Variants in DIP2B observed in about 807,000 individuals in gnomAD.
The protein encoded by DIP2B is disco-interacting protein 2 homolog B.
Under a neutral mutation model 198.0 loss-of-function variants are expected in DIP2B, and 76 were observed. The ratio of observed to expected loss-of-function variants is 0.38; its 90% CI spans 0.32 to 0.46. DIP2B has a LOEUF of 0.46. Ranked by LOEUF, DIP2B falls within the 20% of genes least tolerant of loss-of-function variation. The probability of loss-of-function intolerance (pLI) is 0.99; values close to 1 mark genes in which losing one functional copy is unlikely to be tolerated. For synonymous variants in DIP2B, 701 were observed against 739.1 expected, an observed-to-expected ratio of 0.95 and a Z score of 0.84; for missense variants, 1,559 against 1,978.4, an observed-to-expected ratio of 0.79 and a Z score of 4.02.
intron 1 of DIP2B, among the ~76,000 whole-genome samples, chr12:50,587,281 G>T (rs865816120): frequency 6.6e-5 from 10 of 152,022 alleles, no homozygotes; most frequent in Non-Finnish European, 1.2e-4. Context: ...ACCTTTCCCT[G>T]GTCCTTTTAG....
intron 3 of DIP2B, among the ~76,000 whole-genome samples, chr12:50,653,773 C>T (rs1473344475): frequency 2.0e-5 from 3 of 151,292 alleles, no homozygotes; most frequent in Non-Finnish European, 2.9e-5. Flanking sequence ...TTTTGTTGAT[C>T]TTTTCAAAAA....
intron 1 of DIP2B, among the ~76,000 whole-genome samples, chr12:50,557,803 C>T (rs1290527467): frequency 6.6e-6 from 1 of 152,162 alleles, no homozygotes; most frequent in Non-Finnish European, 1.5e-5. Context: ...ATTGAACTTG[C>T]CTTTCTGCCA....
At chr12:50,606,283 G>A (rs1958981013) in intron 1 of DIP2B, among the ~76,000 whole-genome samples, 1 of 152,044 alleles carries the variant, frequency 6.6e-6, no homozygotes, top group Non-Finnish European at 1.5e-5. Flanking sequence ...ACCATGGCTG[G>A]CTAGTGTTTT....
intron 23 of DIP2B, among the ~76,000 whole-genome samples, chr12:50,717,327 G>C (rs894889472): frequency 2.7e-5 from 4 of 148,538 alleles, no homozygotes; most frequent in African/African-American, 7.4e-5. Flanking sequence ...GCCCAGGCTG[G>C]AGTGCGGTGG....
chr12:50,545,117 A>T (rs1378081698), intron 1 of DIP2B, among the ~76,000 whole-genome samples: 1 of 151,926 alleles, frequency 6.6e-6, no homozygotes, highest in Non-Finnish European at 1.5e-5. Context: ...AATGTTTTGT[A>T]TATGTTTTGT....
At chr12:50,718,312 G>T (rs1372592183) in intron 23 of DIP2B, among the ~76,000 whole-genome samples, 1 of 152,090 alleles carries the variant, frequency 6.6e-6, no homozygotes, top group African/African-American at 2.4e-5. Context: ...CTCTTTTAGG[G>T]TTCTATTATG....
chr12:50,518,900 C>A (rs1487039832), intron 1 of DIP2B, among the ~76,000 whole-genome samples: 3 of 152,126 alleles, frequency 2.0e-5, no homozygotes, highest in Non-Finnish European at 4.4e-5. Flanking sequence ...GTCACCATGC[C>A]TGGCTAATTT....
chr12:50,574,680 C>T (rs1958642859), intron 1 of DIP2B, among the ~76,000 whole-genome samples: 1 of 152,374 alleles, frequency 6.6e-6, no homozygotes, highest in Non-Finnish European at 1.5e-5. Flanking sequence ...TCGATTCATG[C>T]AAGGAACCCT....
At chr12:50,619,872 T>C (rs1937774273) in intron 1 of DIP2B, among the ~76,000 whole-genome samples, 1 of 152,000 alleles carries the variant, frequency 6.6e-6, no homozygotes, top group South Asian at 2.1e-4. Context: ...GCCTGGGCAA[T>C]AGTGAGACCC....
At chr12:50,715,840 GGAA>G (rs1338543209) in intron 23 of DIP2B, among the ~76,000 whole-genome samples, 2 of 152,194 alleles carry the variant, frequency 1.3e-5, no homozygotes, top group Non-Finnish European at 2.9e-5. Flanking sequence ...CTGTTATTAA[GGAA>G]GAAGAATAGG....
intron 28 of DIP2B, 34 bp downstream of exon 28, chr12:50,724,920 C>T (rs1156395896): frequency 6.3e-7 from 1 of 1,594,886 alleles, no homozygotes; most frequent in South Asian, 1.1e-5. Context: ...GGTGGAGGGA[C>T]TGAGAGCTCA....
At position 50,732,661 on chromosome 12, in the gene DIP2B, C is replaced by T. The variant is rs191531686; in HGVS notation, c.3981+125C>T. On this transcript the variant is annotated intron_variant, in intron 32 of 37. Transcript: ENST00000301180. Reference sequence around the variant, plus strand: ...GCCGCACTTACTTGCTTTGGAACTTCGGGCTTTTAAATCTCGATTTCTTTG... The same window carrying T: ...GCCGCACTTACTTGCTTTGGAACTTTGGGCTTTTAAATCTCGATTTCTTTG... 3.9e-5 allele frequency: 47 copies of T among 1,216,796 alleles called. No individual in the cohort carries two copies. In the African/African-American group the frequency reaches 4.8e-4, roughly 13 times the overall value. 75.4% of individuals were successfully genotyped at this position (1,216,796 alleles called of 1,614,324 possible).
intron 1 of DIP2B, among the ~76,000 whole-genome samples, chr12:50,528,068 C>CA (rs1472713458): frequency 1.1e-4 from 16 of 152,014 alleles, no homozygotes; most frequent in African/African-American, 3.6e-4. Context: ...GCTGAGACTA[C>CA]AAGCATGCAC....
intron 23 of DIP2B, among the ~76,000 whole-genome samples, chr12:50,718,144 C>T (rs1412533308): frequency 3.9e-5 from 6 of 151,936 alleles, no homozygotes; most frequent in South Asian, 4.2e-4. Flanking sequence ...GTGATCCTCC[C>T]GCCTCGCCCT....
At position 50,636,924 on chromosome 12, in the gene DIP2B, C is replaced by T. The variant is rs143855691; in HGVS notation, c.173-3800C>T. On this transcript the variant is annotated intron_variant, in intron 2 of 37. Coordinates refer to ENST00000301180, the MANE Select transcript of DIP2B (RefSeq NM_173602.3). The stretch of plus-strand genomic sequence containing the variant: ...CTACCCCTGGAAAACAGGCAGGTGG[C>T]CCCTTTTCCAGACTCCAGACACTAG... 2.9e-3 allele frequency among the ~76,000 whole-genome samples: 448 copies of T among 152,264 alleles called. 6 individuals carry two copies. Among genetic ancestry groups the T allele is most frequent in the African/African-American group, 0.01 (425 of 41,532 alleles).
intron 2 of DIP2B, 88 bp downstream of exon 2, chr12:50,626,135 T>C: frequency 4.4e-6 from 6 of 1,365,110 alleles, no homozygotes; most frequent in Non-Finnish European, 6.2e-6. Flanking sequence ...TGTTTGTTCC[T>C]GTTTTTCCCT....
chr12:50,678,619 C>A, intron 7 of DIP2B, 60 bp from the exon 8 acceptor site: 1 of 1,532,842 alleles, frequency 6.5e-7, no homozygotes, highest in Non-Finnish European at 8.9e-7. Flanking sequence ...AGATTAGAGA[C>A]CTAAGTTGTG....
At chr12:50,619,864 C>T (rs947802881) in intron 1 of DIP2B, among the ~76,000 whole-genome samples, 10 of 152,020 alleles carry the variant, frequency 6.6e-5, no homozygotes, top group Admixed American at 5.9e-4. Context: ...TGAGACCAGC[C>T]TGGGCAATAG....
chr12:50,728,639 C>G lies in DIP2B; in HGVS notation c.3602C>G (p.Pro1201Arg). 1 of 1,614,156 alleles carries G rather than the reference C, an allele frequency of 6.2e-7. No individual in the cohort carries two copies. Among genetic ancestry groups the G allele is most frequent in the Non-Finnish European group, 8.5e-7 (1 of 1,180,016 alleles). The stretch of plus-strand genomic sequence containing the variant: ...CGGCAGATCGCCATCTGCCTTGACC[C>G]TTACTGTGGACTTGGCTTCGCGCTC... The part of the protein sequence containing the change: ...SSRQIAICLD[P>R]YCGLGFALWC... Residue 1201 changes from proline to arginine, a missense_variant, in exon 30 of 38, where the codon CCT becomes CGT. Coordinates refer to ENST00000301180, the MANE Select transcript of DIP2B (RefSeq NM_173602.3).
Sources: allele counts gnomAD v4.1 joint callset (sites outside exome capture counted in the v4.1 genomes callset), GRCh38; gene constraint gnomAD v4.1.1; transcripts MANE v1.5; gene names NCBI Gene and HGNC (gene_info 2026-07-23, HGNC 2026-07-21).